Variants in CSMD1 observed in about 807,000 individuals in gnomAD.
The protein encoded by CSMD1 is CUB and Sushi multiple domains 1.
A neutral mutation model predicts 417.5 loss-of-function variants in CSMD1; 213 were observed. The observed-to-expected ratio is 0.51, with a 90% CI of 0.46 to 0.57. CSMD1 has a LOEUF of 0.57. Ranked by LOEUF, CSMD1 falls within the 20% of genes least tolerant of loss-of-function variation. The probability of loss-of-function intolerance (pLI) is 0.00; values close to 1 mark genes in which losing one functional copy is unlikely to be tolerated. For synonymous variants in CSMD1, 2,862 were observed against 1,736.8 expected (o/e 1.65, Z -16.11); for missense variants, 6,923 against 4,529.7 (o/e 1.53, Z -15.17).
intron 6 of CSMD1, among the ~76,000 whole-genome samples, chr8:3,727,260 A>G (rs547969739): frequency 3.9e-5 from 6 of 152,338 alleles, no homozygotes; most frequent in East Asian, 1.9e-4. Flanking sequence ...TAACCTCTGG[A>G]AAGTAATTCT....
intron 2 of CSMD1, among the ~76,000 whole-genome samples, chr8:4,564,511 T>C (rs1798499593): frequency 6.6e-6 from 1 of 152,184 alleles, no homozygotes; most frequent in Non-Finnish European, 1.5e-5. Context: ...ACTTTATCTA[T>C]TATAATTGTG....
intron 12 of CSMD1, among the ~76,000 whole-genome samples, chr8:3,440,217 G>A (rs1419820061): frequency 8.6e-6 from 1 of 116,320 alleles, no homozygotes; most frequent in South Asian, 2.5e-4. Flanking sequence ...TATAACAGGT[G>A]CATTAAACTG....
chr8:3,689,797 T>A lies in CSMD1; in HGVS notation c.1009+18617A>T, dbSNP rs116846386. ...TAAAGTGATTTTCACAAAGTTACAG[T>A]CTATTCATTGGAGACACCATGATTC... On this transcript the variant is annotated intron_variant, in intron 7 of 69. Coordinates refer to ENST00000635120, the MANE Select transcript of CSMD1 (RefSeq NM_033225.6). 7.8e-3 allele frequency among the ~76,000 whole-genome samples: 1,195 copies of A among 152,308 alleles called. 6 individuals carry two copies. Among genetic ancestry groups the A allele is most frequent in the Non-Finnish European group, 0.013 (853 of 68,024 alleles).
chr8:4,464,843 C>G (rs1392465221), intron 2 of CSMD1, among the ~76,000 whole-genome samples: 1 of 152,008 alleles, frequency 6.6e-6, no homozygotes, highest in African/African-American at 2.4e-5. Context: ...ATCTATGATC[C>G]CAATTTACCC....
chr8:4,336,988 C>T (rs1800211568), intron 3 of CSMD1, among the ~76,000 whole-genome samples: 1 of 152,042 alleles, frequency 6.6e-6, no homozygotes, highest in Non-Finnish European at 1.5e-5. Flanking sequence ...GTGTTTTCTT[C>T]CCAGAATGGC....
intron 12 of CSMD1, among the ~76,000 whole-genome samples, chr8:3,464,355 C>T (rs1390323505): frequency 1.3e-5 from 2 of 152,130 alleles, no homozygotes; most frequent in East Asian, 3.9e-4. Flanking sequence ...TTAACTTCCT[C>T]ATGGCTAGAA....
In CSMD1 at chr8:3,394,033, T is replaced by A. The variant is rs1303876667; in HGVS notation, c.2593+2161A>T. On this transcript the variant is annotated intron_variant, in intron 17 of 69. Coordinates refer to ENST00000635120, the MANE Select transcript of CSMD1 (RefSeq NM_033225.6). ...TAAATTATATATATATATATATATA[T>A]ATATATATATATATATATATATAGA... Among the ~76,000 whole-genome samples, 135 of 90,930 alleles carry A rather than the reference T, an allele frequency of 1.5e-3. 4 individuals are homozygous for A. The highest frequency in any genetic ancestry group is 2.6e-3 in the South Asian group (9 of 3,450). The allele number at this position is 90,930 out of a possible 152,430, so 59.7% of individuals were successfully genotyped here. A position where few individuals can be genotyped will look rare whatever the true frequency, so the allele number is the denominator to read the frequency against.
At chr8:3,395,909 T>C (rs1441317112) in intron 17 of CSMD1, among the ~76,000 whole-genome samples, 3 of 152,206 alleles carry the variant, frequency 2.0e-5, no homozygotes, top group African/African-American at 7.2e-5. Context: ...AAGTATATTA[T>C]TACTTCCATT....
intron 5 of CSMD1, among the ~76,000 whole-genome samples, chr8:3,782,440 G>A (rs1227895268): frequency 6.6e-6 from 1 of 152,098 alleles, no homozygotes; most frequent in African/African-American, 2.4e-5. Flanking sequence ...CCTGAATTCA[G>A]GACAGCAGTA....
intron 1 of CSMD1, among the ~76,000 whole-genome samples, chr8:4,829,737 C>CAAA (rs11290763): frequency 1.8e-5 from 2 of 110,000 alleles, no homozygotes; most frequent in Admixed American, 9.3e-5. Flanking sequence ...GACCCTGTCT[C>CAAA]AAAAAAAAAA....
chr8:3,916,313 A>C (rs1290768565), intron 5 of CSMD1, among the ~76,000 whole-genome samples: 3 of 152,118 alleles, frequency 2.0e-5, no homozygotes, highest in South Asian at 4.1e-4. Context: ...GGTTCTCAGC[A>C]CTACGCCGGA....
At chr8:3,377,125 C>T (rs909220078) in intron 18 of CSMD1, among the ~76,000 whole-genome samples, 1 of 148,686 alleles carries the variant, frequency 6.7e-6, no homozygotes, top group Non-Finnish European at 1.5e-5. Context: ...CCCCCTGCCT[C>T]AGCGTCCTGA....
chr8:3,883,033 A>G (rs1251226453), intron 5 of CSMD1, among the ~76,000 whole-genome samples: 1 of 152,118 alleles, frequency 6.6e-6, no homozygotes, highest in South Asian at 2.1e-4. Context: ...AACCAATAAA[A>G]CGCCTGAACA....
intron 11 of CSMD1, among the ~76,000 whole-genome samples, chr8:3,493,405 A>T (rs534723436): frequency 1.3e-5 from 2 of 152,102 alleles, no homozygotes; most frequent in African/African-American, 4.8e-5. Context: ...TGTTTTTAAT[A>T]ATTGAAGAAA....
intron 4 of CSMD1, among the ~76,000 whole-genome samples, chr8:4,031,545 G>C (rs539644844): frequency 6.6e-6 from 1 of 152,160 alleles, no homozygotes; most frequent in African/African-American, 2.4e-5. Flanking sequence ...GGGAACTACC[G>C]TTCAACATGA....
At chr8:4,833,774 G>A (rs1374863639) in intron 1 of CSMD1, among the ~76,000 whole-genome samples, 2 of 152,162 alleles carry the variant, frequency 1.3e-5, no homozygotes, top group African/African-American at 4.8e-5. Context: ...GTTATCTTAG[G>A]ATATGATCCC....
chr8:4,289,889 G>T (rs1032607222), intron 3 of CSMD1, among the ~76,000 whole-genome samples: 2 of 152,130 alleles, frequency 1.3e-5, no homozygotes, highest in African/African-American at 4.8e-5. Flanking sequence ...ATGAAAACAG[G>T]AATGAATCAA....
chr8:3,355,354 TCA>T (rs1808711566), intron 21 of CSMD1, among the ~76,000 whole-genome samples: 1 of 152,204 alleles, frequency 6.6e-6, no homozygotes, highest in Non-Finnish European at 1.5e-5. Flanking sequence ...TTTATCTCCA[TCA>T]TATATACTCT....
chr8:4,003,865 C>A (rs1815896119), intron 4 of CSMD1, among the ~76,000 whole-genome samples: 2 of 152,044 alleles, frequency 1.3e-5, no homozygotes, highest in African/African-American at 4.8e-5. Flanking sequence ...ACATCCAAAA[C>A]GTGTGATAAA....
Sources: gnomAD v4.1 joint callset for allele counts (sites outside exome capture counted in the v4.1 genomes callset) on GRCh38, gnomAD v4.1.1 for gene constraint, MANE v1.5 for transcripts, NCBI Gene and HGNC (gene_info 2026-07-23, HGNC 2026-07-21) for gene names.